The following GALR2 variants were observed in gnomAD, a reference collection of about 807,000 sequenced individuals.
GALR2 encodes galanin receptor 2.
In GALR2, 5 loss-of-function variants were observed where a neutral mutation model predicts 7.2. That is an observed-to-expected ratio of 0.69 (90% CI 0.36 to 1.45). The LOEUF is 1.45. GALR2 is among the 40% of genes most tolerant of loss of function. GALR2 has a pLI of 0.03. For synonymous variants in GALR2, 300 were observed against 263.9 expected, an observed-to-expected ratio of 1.14 and a Z score of -1.32; for missense variants, 561 against 555.7, an observed-to-expected ratio of 1.01 and a Z score of -0.10.
chr17:76,074,549 G>A (rs2066878324), upstream of GALR2, among the ~76,000 whole-genome samples: 1 of 152,226 alleles, frequency 6.6e-6, no homozygotes, highest in African/African-American at 2.4e-5. The surrounding 1 kb of genome is among the most constrained non-coding windows in gnomAD (Gnocchi z 6.7). Context: ...AGTCCGCCTG[G>A]TCAGCCCAGA....
upstream of GALR2, chr17:76,072,080 G>A (rs556628969): frequency 1.3e-6 from 1 of 778,544 alleles, no homozygotes; most frequent in Admixed American, 3.2e-5. This position sits in a 1 kb window ranked among gnomAD's most constrained non-coding sequence, Gnocchi z 4.5. Context: ...ATATCCCAGT[G>A]CCACTGGAAG....
chr17:76,076,413 G>C lies in GALR2; in HGVS notation c.369-223G>C, dbSNP rs529074503. 6.6e-6 allele frequency among the ~76,000 whole-genome samples: 1 copy of C among 152,176 alleles called. No individual in the cohort carries two copies. The highest frequency in any genetic ancestry group is 1.5e-5 in the Non-Finnish European group (1 of 68,034). ...TTGAAGGCACACCTTTCCTGCTGCC[G>C]GGCCCGCCCCATTTCCAGGCTCCGC... On this transcript the variant is annotated intron_variant, in intron 1 of 1. Transcript: ENST00000329003. The surrounding 1 kb of genome is among the most constrained non-coding windows in gnomAD (Gnocchi z 6.5).
Position 76,076,814 on chromosome 17 carries a change from C to T in GALR2, c.547C>T (p.Arg183Cys), listed in dbSNP as rs140140359. 1.2e-6 allele frequency: 2 copies of T among 1,605,494 alleles called. No homozygotes were observed. The highest frequency in any genetic ancestry group is 1.3e-5 in the African/African-American group (1 of 75,054). Reference sequence around the variant, plus strand: ...GTGCCATCCCGCGTGGAGCGCCCCTCGCCGCCGCGCCATGGACATCTGCAC... The same window carrying T: ...GTGCCATCCCGCGTGGAGCGCCCCTTGCCGCCGCGCCATGGACATCTGCAC... ...TVCHPAWSAP[R>C]RRAMDICTFV... Residue 183 changes from arginine to cysteine, a missense_variant, in exon 2 of 2, where the codon CGC (arginine) becomes TGC (cysteine). Physicochemically the swap from Arg to Cys is radical, Grantham distance 180 (BLOSUM62 -3). Coordinates refer to ENST00000329003, the MANE Select transcript of GALR2 (RefSeq NM_003857.4). The surrounding 1 kb of genome is among the most constrained non-coding windows in gnomAD (Gnocchi z 6.5).
upstream of GALR2, among the ~76,000 whole-genome samples, chr17:76,073,931 A>C (rs2066874255): frequency 6.6e-6 from 1 of 151,996 alleles, no homozygotes; most frequent in South Asian, 2.1e-4. Flanking sequence ...GGATCACTTG[A>C]GGTCAGGAGT....
chr17:76,076,631 C>G lies in GALR2; in HGVS notation c.369-5C>G. The G allele has an allele frequency of 6.4e-7, 1 of 1,566,478 alleles. No homozygotes were observed. Among genetic ancestry groups the G allele is most frequent in the Non-Finnish European group, 8.6e-7 (1 of 1,159,488 alleles). On this transcript the variant is annotated splice_region_variant and splice_polypyrimidine_tract_variant and intron_variant, in intron 1 of 1. Transcript: ENST00000329003. The surrounding 1 kb of genome is among the most constrained non-coding windows in gnomAD (Gnocchi z 6.5). The stretch of plus-strand genomic sequence containing the variant: ...CCGACGTCTCCCTTCCCGGTCTGAC[C>G]GCAGGTATCTGGCCATCCGCTACCC...
At position 76,077,363 on chromosome 17, in the gene GALR2, C is replaced by T; in HGVS notation, c.1096C>T (p.Pro366Ser). The T allele has an allele frequency of 6.5e-7, 1 of 1,528,158 alleles. No individual in the cohort carries two copies. Among genetic ancestry groups the T allele is most frequent in the South Asian group, 1.2e-5 (1 of 80,772 alleles). 94.7% of individuals were successfully genotyped at this position (1,528,158 alleles called of 1,614,324 possible). Reference protein sequence around the residue: ...PGASQPCILEPCPGPSWQGPK... With the variant: ...PGASQPCILESCPGPSWQGPK... Reference sequence around the variant, plus strand: ...CGCTTCCCAGCCATGCATCCTCGAGCCCTGTCCTGGCCCGTCCTGGCAGGG... The same window carrying T: ...CGCTTCCCAGCCATGCATCCTCGAGTCCTGTCCTGGCCCGTCCTGGCAGGG... Residue 366 changes from proline (P) to serine (S), a missense_variant, in exon 2 of 2, where the codon CCC becomes TCC. Physicochemically the swap from Pro to Ser is moderately conservative, Grantham distance 74. Transcript: ENST00000329003.
upstream of GALR2, among the ~76,000 whole-genome samples, chr17:76,074,097 T>G (rs1242498306): frequency 6.9e-6 from 1 of 145,808 alleles, no homozygotes; most frequent in African/African-American, 2.6e-5. This position sits in a 1 kb window ranked among gnomAD's most constrained non-coding sequence, Gnocchi z 6.7. Flanking sequence ...AGTGAGCCGA[T>G]ATCATGCCAC....
chr17:76,077,484 G>T lies in GALR2; in HGVS notation c.*53G>T. 7.2e-7 allele frequency: 1 copy of T among 1,380,852 alleles called. No homozygotes were observed. The highest frequency in any genetic ancestry group is 1.5e-5 in the South Asian group (1 of 66,614). 85.5% of individuals were successfully genotyped at this position (1,380,852 alleles called of 1,614,324 possible). ...CACAGAGTTGGAGTCATTGTTGGGG[G>T]ACCGTGGGGAGAGCTTTGCCTGTTA... On this transcript the variant is annotated 3_prime_UTR_variant, in exon 2 of 2. Transcript: ENST00000329003.
In GALR2 at chr17:76,074,981, C is replaced by T; in HGVS notation, c.98C>T (p.Ala33Val). 6.2e-7 allele frequency: 1 copy of T among 1,603,100 alleles called. No homozygotes were observed. The highest frequency in any genetic ancestry group is 2.2e-5 in the East Asian group (1 of 44,772). Residue 33 changes from alanine (A) to valine (V), a missense_variant, in exon 1 of 2, where the codon GCG becomes GTG. Ala to Val is a moderately conservative substitution (Grantham distance 64). Transcript: ENST00000329003. This position sits in a 1 kb window ranked among gnomAD's most constrained non-coding sequence, Gnocchi z 6.7. Reference protein sequence around the residue: ...PEAVIVPLLFALIFLVGTVGN... With the variant: ...PEAVIVPLLFVLIFLVGTVGN... ...GCGGTCATCGTGCCCCTGCTCTTCG[C>T]GCTCATCTTCCTCGTGGGCACCGTG...
chr17:76,072,147 G>GGC, upstream of GALR2: 2 of 1,285,714 alleles, frequency 1.6e-6, no homozygotes, highest in African/African-American at 1.7e-5. This position sits in a 1 kb window ranked among gnomAD's most constrained non-coding sequence, Gnocchi z 4.5. Flanking sequence ...TCGAGAGACA[G>GGC]ACCCCCCCCG....
At chr17:76,074,617 C>T (rs1598274862), upstream of GALR2, among the ~76,000 whole-genome samples, 1 of 152,234 alleles carries the variant, frequency 6.6e-6, no homozygotes, top group East Asian at 1.9e-4. This position sits in a 1 kb window ranked among gnomAD's most constrained non-coding sequence, Gnocchi z 6.7. Flanking sequence ...TCTCCGCCTG[C>T]GCCGTGGAAT....
chr17:76,072,123 C>G, upstream of GALR2: 1 of 1,179,048 alleles, frequency 8.5e-7, no homozygotes, highest in Non-Finnish European at 1.2e-6. This position sits in a 1 kb window ranked among gnomAD's most constrained non-coding sequence, Gnocchi z 4.5. Context: ...GAGGGGGACA[C>G]GAGGAAAGAC....
chr17:76,076,069 G>A lies in GALR2; in HGVS notation c.369-567G>A, dbSNP rs753580154. ...TCCTCTGGAAAAACAGAGAGGCGAGGCCAGACTGCCCCCACACCTCCTGTA... is the reference window on the plus strand; with the variant it reads ...TCCTCTGGAAAAACAGAGAGGCGAGACCAGACTGCCCCCACACCTCCTGTA... On this transcript the variant is annotated intron_variant, in intron 1 of 1. Coordinates refer to ENST00000329003, the MANE Select transcript of GALR2 (RefSeq NM_003857.4). The surrounding 1 kb of genome is among the most constrained non-coding windows in gnomAD (Gnocchi z 6.5). Among the ~76,000 whole-genome samples the A allele has an allele frequency of 6.6e-6, 1 of 152,214 alleles. No individual in the cohort carries two copies. The highest frequency in any genetic ancestry group is 1.5e-5 in the Non-Finnish European group (1 of 68,040).
At position 76,075,018 on chromosome 17, in the gene GALR2, G is replaced by A. The variant is rs761128640; in HGVS notation, c.135G>A (p.Leu45=). 23 of 1,609,462 alleles carry A rather than the reference G, an allele frequency of 1.4e-5. No individual in the cohort carries two copies. Among genetic ancestry groups the A allele is most frequent in the Non-Finnish European group, 1.9e-5 (22 of 1,179,902 alleles). The change falls in exon 1 of 2, where the codon CTG becomes CTA. Residue 45 remains leucine (L), a synonymous_variant. Coordinates refer to ENST00000329003, the MANE Select transcript of GALR2 (RefSeq NM_003857.4). The surrounding 1 kb of genome is among the most constrained non-coding windows in gnomAD (Gnocchi z 5.9). Reference sequence around the variant, plus strand: ...TCGTGGGCACCGTGGGCAACACGCTGGTGCTGGCGGTGCTGCTGCGCGGCG... The same window carrying A: ...TCGTGGGCACCGTGGGCAACACGCTAGTGCTGGCGGTGCTGCTGCGCGGCG... ...IFLVGTVGNT[L]VLAVLLRGGQ... is the part of the protein sequence containing the mutation.
At chr17:76,074,649 G>T, upstream of GALR2, 1 of 548,756 alleles carries the variant, frequency 1.8e-6, no homozygotes. The surrounding 1 kb of genome is among the most constrained non-coding windows in gnomAD (Gnocchi z 6.7). Context: ...CCACTCCGCA[G>T]CCCTTCCCCC....
chr17:76,073,989 T>C (rs2066874668), upstream of GALR2, among the ~76,000 whole-genome samples: 1 of 151,818 alleles, frequency 6.6e-6, no homozygotes, highest in Non-Finnish European at 1.5e-5. Context: ...CTACTAAAAA[T>C]ACGAAAATAA....
At position 76,075,002 on chromosome 17, in the gene GALR2, C is replaced by T. The variant is rs1017555467; in HGVS notation, c.119C>T (p.Thr40Ile). The T allele has an allele frequency of 1.2e-6, 2 of 1,607,654 alleles. No individual in the cohort carries two copies. The highest frequency in any genetic ancestry group is 1.7e-6 in the Non-Finnish European group (2 of 1,179,878). ...LLFALIFLVG[T>I]VGNTLVLAVL... ...TTCGCGCTCATCTTCCTCGTGGGCA[C>T]CGTGGGCAACACGCTGGTGCTGGCG... is the stretch of plus-strand genomic sequence containing the variant. Residue 40 changes from threonine (T) to isoleucine (I), a missense_variant, in exon 1 of 2, where the codon ACC (threonine) becomes ATC (isoleucine). Transcript: ENST00000329003. This position sits in a 1 kb window ranked among gnomAD's most constrained non-coding sequence, Gnocchi z 5.9.
Position 76,077,103 on chromosome 17 carries a change from T to G in GALR2, c.836T>G (p.Leu279Arg). Residue 279 changes from leucine (L) to arginine (R), a missense_variant, in exon 2 of 2, where the codon CTG becomes CGG. Transcript: ENST00000329003. ...TATGCGCTTCGCATCCTCTCGCACC[T>G]GGTCTCCTACGCCAACTCCTGCGTC... is the stretch of plus-strand genomic sequence containing the variant. ...ATYALRILSH[L>R]VSYANSCVNP... The G allele has an allele frequency of 6.2e-7, 1 of 1,613,008 alleles. No individual in the cohort carries two copies. The highest frequency in any genetic ancestry group is 8.5e-7 in the Non-Finnish European group (1 of 1,179,862).
rs1276921081 is a variant in GALR2, at chr17:76,075,791, C to A, written c.368+540C>A. Among the ~76,000 whole-genome samples, 2 of 152,150 alleles carry A rather than the reference C, an allele frequency of 1.3e-5. No homozygotes were observed. The highest frequency in any genetic ancestry group is 4.8e-5 in the African/African-American group (2 of 41,446). ...TTGGGTCCTTTGCAAGGATCCACTCCGGAGTCCCAGCGAGCGTGCCTAAAG... is the reference window on the plus strand; with the variant it reads ...TTGGGTCCTTTGCAAGGATCCACTCAGGAGTCCCAGCGAGCGTGCCTAAAG... On this transcript the variant is annotated intron_variant, in intron 1 of 1. Transcript: ENST00000329003. The surrounding 1 kb of genome is among the most constrained non-coding windows in gnomAD (Gnocchi z 5.9).
Sources: gnomAD v4.1 joint callset for allele counts (sites outside exome capture counted in the v4.1 genomes callset) on GRCh38, gnomAD v4.1.1 for gene constraint, Gnocchi (gnomAD v3.1) non-coding constraint, MANE v1.5 for transcripts, NCBI Gene and HGNC (gene_info 2026-07-23, HGNC 2026-07-21) for gene names.